RFX3: variants seen among roughly 807,000 people sequenced by gnomAD.
RFX3 encodes the protein regulatory factor X3.
RFX3 carries 14 observed loss-of-function variants against 98.6 expected under a neutral mutation model. The ratio of observed to expected loss-of-function variants is 0.14; its 90% CI spans 0.09 to 0.22. RFX3 has a LOEUF of 0.22. RFX3 is among the 10% of genes least tolerant of loss of function. The pLI is 1.00. For missense variants in RFX3, 639 were observed against 926.9 expected (o/e 0.69, Z 4.03); for synonymous variants, 383 against 328.4 (o/e 1.17, Z -1.80).
At chr9:3,387,790 C>T (rs188240780) in intron 2 of RFX3, among the ~76,000 whole-genome samples, 11 of 152,118 alleles carry the variant, frequency 7.2e-5, no homozygotes, top group African/African-American at 2.4e-4. Context: ...AGAAAAATGC[C>T]TTTGTTTCAG....
At chr9:3,421,348 T>A (rs989241791) in intron 1 of RFX3, among the ~76,000 whole-genome samples, 2 of 152,184 alleles carry the variant, frequency 1.3e-5, no homozygotes, top group African/African-American at 4.8e-5. Context: ...TTAGGCAGCA[T>A]TACTTGTAAA....
rs1441917136 is a variant in RFX3 at position 3,262,866 on chromosome 9, G to T, written c.1605+69C>A. 15 of 1,469,792 alleles carry T rather than the reference G, an allele frequency of 1.0e-5. No homozygotes were observed. The East Asian group carries it at 3.0e-4, about 29-fold the overall frequency. The allele number at this position is 1,469,792 out of a possible 1,614,324, so 91.0% of individuals were successfully genotyped here. ...ATGAGACTTTGAAAAGAAATTTGAT[G>T]ATCCCAATTAAGAAGAACAAATTGG... On this transcript the variant is annotated intron_variant, in intron 13 of 16. Coordinates refer to ENST00000617270, the MANE Select transcript of RFX3 (RefSeq NM_001282116.2).
chr9:3,491,958 T>A (rs533925976), intron 1 of RFX3, among the ~76,000 whole-genome samples: 1 of 152,316 alleles, frequency 6.6e-6, no homozygotes, highest in Admixed American at 6.5e-5. Flanking sequence ...CTACCTACAA[T>A]CCAAAGTGCT....
At chr9:3,480,607 T>C (rs1344037368) in intron 1 of RFX3, among the ~76,000 whole-genome samples, 2 of 152,214 alleles carry the variant, frequency 1.3e-5, no homozygotes, top group East Asian at 1.9e-4. Context: ...TGGCTAAAGC[T>C]TGAAGACTGA....
chr9:3,253,453 G>C lies in RFX3; in HGVS notation c.1814+3538C>G, dbSNP rs564579744. Reference sequence around the variant, plus strand: ...AAATGGGATATCTGAATGACCTTCAGGGTGGCCCTGAAGAATGCTCTCTTC... The same window carrying C: ...AAATGGGATATCTGAATGACCTTCACGGTGGCCCTGAAGAATGCTCTCTTC... On this transcript the variant is annotated intron_variant, in intron 14 of 16. Coordinates refer to ENST00000617270, the MANE Select transcript of RFX3 (RefSeq NM_001282116.2). 3.0e-4 allele frequency among the ~76,000 whole-genome samples: 45 copies of C among 152,308 alleles called. No individual in the cohort carries two copies. In the South Asian group the frequency reaches 9.3e-3, roughly 32 times the overall value.
intron 2 of RFX3, among the ~76,000 whole-genome samples, chr9:3,350,253 C>T (rs1359642727): frequency 1.3e-5 from 2 of 152,070 alleles, no homozygotes; most frequent in African/African-American, 2.4e-5. Flanking sequence ...TTACAAAGAG[C>T]TCTTAAAACT....
At chr9:3,354,573 G>C (rs935463954) in intron 2 of RFX3, among the ~76,000 whole-genome samples, 1 of 151,742 alleles carries the variant, frequency 6.6e-6, no homozygotes, top group Non-Finnish European at 1.5e-5. Flanking sequence ...CAGCTTTAAA[G>C]TAGTGACAGA....
At chr9:3,446,836 T>C (rs1846098668) in intron 1 of RFX3, among the ~76,000 whole-genome samples, 1 of 152,126 alleles carries the variant, frequency 6.6e-6, no homozygotes, top group South Asian at 2.1e-4. Context: ...GGGTTCTTGC[T>C]GGACACTGCT....
intron 1 of RFX3, among the ~76,000 whole-genome samples, chr9:3,416,512 C>G (rs1228403802): frequency 2.0e-5 from 3 of 152,004 alleles, no homozygotes; most frequent in Non-Finnish European, 4.4e-5. Flanking sequence ...GAAAAAAAGC[C>G]AATAGAAGGG....
At chr9:3,397,773 G>A (rs1182249204) in intron 1 of RFX3, among the ~76,000 whole-genome samples, 2 of 152,158 alleles carry the variant, frequency 1.3e-5, no homozygotes, top group African/African-American at 4.8e-5. Context: ...AGGTATAGCA[G>A]TAACAACTAG....
chr9:3,346,828 G>C, intron 2 of RFX3, 64 bp from the exon 3 acceptor site: 3 of 964,950 alleles, frequency 3.1e-6, no homozygotes, highest in Non-Finnish European at 5.1e-6. Flanking sequence ...CAGAGCATTA[G>C]ATCTATCTCA....
intron 1 of RFX3, among the ~76,000 whole-genome samples, chr9:3,452,993 A>T (rs1339716324): frequency 6.6e-6 from 1 of 152,206 alleles, no homozygotes; most frequent in Non-Finnish European, 1.5e-5. Flanking sequence ...AGGATGGAAC[A>T]TAGCCCTCTC....
At chr9:3,381,257 C>A (rs1369239273) in intron 2 of RFX3, among the ~76,000 whole-genome samples, 2 of 151,672 alleles carry the variant, frequency 1.3e-5, no homozygotes, top group Admixed American at 1.3e-4. Context: ...GGTAAAAAGG[C>A]TTTTTGTAGA....
intron 15 of RFX3, among the ~76,000 whole-genome samples, chr9:3,234,932 TGAA>T (rs1295618869): frequency 6.6e-6 from 1 of 152,168 alleles, no homozygotes; most frequent in East Asian, 1.9e-4. Context: ...CATCAACTGA[TGAA>T]GGTCACAAGG....
At chr9:3,524,369 C>G in intron 1 of RFX3, 1 of 238,140 alleles carries the variant, frequency 4.2e-6, no homozygotes, top group Non-Finnish European at 6.8e-6. Flanking sequence ...AGTTCTCTCT[C>G]CTGAGCAGGT....
At chr9:3,420,735 C>G (rs1184430425) in intron 1 of RFX3, 4 of 953,626 alleles carry the variant, frequency 4.2e-6, no homozygotes, top group Non-Finnish European at 5.0e-6. Context: ...ACCCCTGTAT[C>G]CTTCCATAAC....
At chr9:3,499,387 T>A (rs184534718) in intron 1 of RFX3, among the ~76,000 whole-genome samples, 1 of 152,044 alleles carries the variant, frequency 6.6e-6, no homozygotes, top group Non-Finnish European at 1.5e-5. Flanking sequence ...CATTTCATTA[T>A]AAAAACAGAT....
rs1174287421 is a variant in RFX3, at chr9:3,330,273, C to T, written c.460G>A (p.Ala154Thr). ...SGHSVTHTTR[A>T]SPATIEMAIE... ...CAAATACTTACTGTCGCTGGGGAGG[C>T]CCGAGTTGTGTGTGTCACTGAGTGA... is the stretch of plus-strand genomic sequence containing the variant. Residue 154 changes from alanine (A) to threonine (T), a missense_variant, in exon 4 of 17, where the codon GCC becomes ACC. Ala to Thr is a moderately conservative substitution (Grantham distance 58, BLOSUM62 0). Coordinates refer to ENST00000617270, the MANE Select transcript of RFX3 (RefSeq NM_001282116.2). 1.2e-6 allele frequency: 2 copies of T among 1,613,964 alleles called. No homozygotes were observed. Among genetic ancestry groups the T allele is most frequent in the African/African-American group, 1.3e-5 (1 of 74,936 alleles).
intron 2 of RFX3, among the ~76,000 whole-genome samples, chr9:3,366,029 C>A (rs1837025612): frequency 6.6e-6 from 1 of 152,044 alleles, no homozygotes; most frequent in Non-Finnish European, 1.5e-5. Context: ...CACTTGGGGA[C>A]CCTGGTTAAC....
Sources: gnomAD v4.1 joint callset for allele counts (sites outside exome capture counted in the v4.1 genomes callset) on GRCh38, gnomAD v4.1.1 for gene constraint, MANE v1.5 for transcripts, NCBI Gene and HGNC (gene_info 2026-07-23, HGNC 2026-07-21) for gene names.